Variants in POLRMT observed in about 807,000 individuals in gnomAD.
The protein encoded by POLRMT is DNA-directed RNA polymerase, mitochondrial.
POLRMT carries 114 observed loss-of-function variants against 132.2 expected under a neutral mutation model. The ratio of observed to expected loss-of-function variants is 0.86; its 90% confidence interval spans 0.74 to 1.01. POLRMT has a LOEUF of 1.01. Among genes scored for constraint, POLRMT ranks in the 50% least tolerant of loss-of-function variants. The probability of loss-of-function intolerance (pLI) is 0.00; values close to 1 mark genes in which losing one functional copy is unlikely to be tolerated. For synonymous variants in POLRMT, 1,020 were observed against 773.4 expected (o/e 1.32, Z -5.29); for missense variants, 2,003 against 1,729.1 (o/e 1.16, Z -2.81).
intron 17 of POLRMT, 52 bp from the exon 18 acceptor site, chr19:617,901 A>C (rs1568373400): frequency 1.3e-6 from 2 of 1,535,452 alleles, no homozygotes; most frequent in Non-Finnish European, 1.8e-6. Context: ...AGGGCCACCC[A>C]GTGACCAGCA....
At position 617,758 on chromosome 19, in the gene POLRMT, GCT is replaced by G. The variant is rs774782721; in HGVS notation, c.3495+17_3495+18del. On this transcript the variant is annotated intron_variant, in intron 18 of 20. Transcript: ENST00000588649. ...GGGCCCCACCCATGGGTGGACTGAG[GCT>G]CAGACTACGGGGGCACCTGGTTCAT... 17 of 1,612,828 alleles carry G rather than the reference GCT, an allele frequency of 1.1e-5. No individual in the cohort carries two copies. Among genetic ancestry groups the G allele is most frequent in the Non-Finnish European group, 1.4e-5 (17 of 1,179,576 alleles).
intron 17 of POLRMT, chr19:618,138 C>T: frequency 1.8e-6 from 1 of 565,596 alleles, no homozygotes; most frequent in Non-Finnish European, 3.2e-6. Context: ...CCTGCCAGGG[C>T]CACCACCCCG....
intron 3 of POLRMT, among the ~76,000 whole-genome samples, chr19:625,728 G>C (rs1367319587): frequency 6.6e-6 from 1 of 152,224 alleles, no homozygotes; most frequent in Non-Finnish European, 1.5e-5. Flanking sequence ...CCAAGATGGA[G>C]TCTTGCTCTG....
In POLRMT at chr19:619,213, G is replaced by A. The variant is rs770968046; in HGVS notation, c.3150C>T (p.Ile1050=). 1 of 1,611,424 alleles carries A rather than the reference G, an allele frequency of 6.2e-7. No homozygotes were observed. Among genetic ancestry groups the A allele is most frequent in the East Asian group, 2.2e-5 (1 of 44,832 alleles). The change falls in exon 14 of 21, where the codon ATC becomes ATT. Residue 1050 remains isoleucine (I), a synonymous_variant. Coordinates refer to ENST00000588649, the MANE Select transcript of POLRMT (RefSeq NM_005035.4). ...LQEMFSGTRA[I]QHWLTESARL... ...GCGGGGACAGGACAGGACGTACCTG[G>A]ATGGCCCGGGTCCCCGAGAACATCT...
intron 16 of POLRMT, 40 bp from the exon 17 acceptor site, chr19:618,626 C>T: frequency 5.6e-6 from 9 of 1,598,292 alleles, no homozygotes; most frequent in Non-Finnish European, 7.7e-6. Flanking sequence ...GGCCCAGGGA[C>T]ACCCCTAACT....
chr19:620,180 C>A, intron 11 of POLRMT, 100 bp from the exon 12 acceptor site: 4 of 1,489,306 alleles, frequency 2.7e-6, no homozygotes, highest in Non-Finnish European at 3.6e-6. Flanking sequence ...GGGCCGTGCA[C>A]CCCCCAGCCA....
At chr19:618,836 G>C in intron 15 of POLRMT, 76 bp from the exon 16 acceptor site, 3 of 1,491,108 alleles carry the variant, frequency 2.0e-6, no homozygotes, top group Non-Finnish European at 2.7e-6. Flanking sequence ...GTGGTACACT[G>C]GGGTAGTGGC....
chr19:619,900 C>T, intron 12 of POLRMT, 58 bp downstream of exon 12: 1 of 1,595,692 alleles, frequency 6.3e-7, no homozygotes. Flanking sequence ...GGGGCCGAGA[C>T]TCAGGGCTCA....
rs1984092752 is a variant in POLRMT at position 617,610 on chromosome 19, G to A, written c.3541C>T (p.Gln1181Ter). The change falls in exon 19 of 21, where the codon CAG becomes TAG. Residue 1181 changes from glutamine to a stop codon, truncating the protein, a stop_gained. Coordinates refer to ENST00000588649, the MANE Select transcript of POLRMT (RefSeq NM_005035.4). LOFTEE classifies it high-confidence loss of function. ...FVRLHSEPIL[Q>*]DLSRFLVKRF... ...TTGACCAGGAATCTGGACAGGTCCT[G>A]CAGGATGGGCTCGCTGTGCAAGCGG... 1 of 1,612,414 alleles carries A rather than the reference G, an allele frequency of 6.2e-7. No homozygotes were observed. Among genetic ancestry groups the A allele is most frequent in the Non-Finnish European group, 8.5e-7 (1 of 1,179,986 alleles).
At chr19:617,348 C>A (rs775181320) in intron 20 of POLRMT, 25 bp from the exon 21 acceptor site, 57 of 1,612,636 alleles carry the variant, frequency 3.5e-5, no homozygotes, top group Non-Finnish European at 4.7e-5. Flanking sequence ...GAGCGGACGG[C>A]GTGGGTGGCG....
intron 10 of POLRMT, 152 bp downstream of exon 10, chr19:620,906 G>A (rs1378769727): frequency 8.0e-6 from 1 of 124,626 alleles, no homozygotes; most frequent in Non-Finnish European, 1.3e-5. Context: ...GAGGGGGAGG[G>A]GAGGAGGAAG....
At chr19:617,986 T>G in intron 17 of POLRMT, 137 bp from the exon 18 acceptor site, 1 of 575,326 alleles carries the variant, frequency 1.7e-6, no homozygotes, top group Admixed American at 3.0e-5. Flanking sequence ...GCCCCACCCC[T>G]CGCCCCGCCC....
chr19:632,787 A>T, intron 2 of POLRMT, 47 bp downstream of exon 2: 1 of 1,442,768 alleles, frequency 6.9e-7, no homozygotes, highest in African/African-American at 1.4e-5. Context: ...TCCCGGCAGC[A>T]GGGAGCGGAC....
intron 10 of POLRMT, among the ~76,000 whole-genome samples, chr19:620,707 G>A (rs950872051): frequency 1.4e-5 from 2 of 146,056 alleles, no homozygotes; most frequent in African/African-American, 5.1e-5. Flanking sequence ...AAACAAGCGT[G>A]TCCGGAGCTG....
At position 630,092 on chromosome 19, in the gene POLRMT, C is replaced by T; in HGVS notation, c.270G>A (p.Arg90=). 6.2e-7 allele frequency: 1 copy of T among 1,613,752 alleles called. No individual in the cohort carries two copies. The highest frequency in any genetic ancestry group is 1.1e-5 in the South Asian group (1 of 91,076). The change falls in exon 3 of 21, where the codon CGG becomes CGA. Residue 90 remains arginine (R), a synonymous_variant. Transcript: ENST00000588649. ...EVVVNRVDVA[R]LPECGSGDGS... is the part of the protein sequence containing the mutation. ...CATCTCCACTGCCACATTCTGGGAGCCGCGCCACATCCACCCTGTTCACCA... is the reference window on the plus strand; with the variant it reads ...CATCTCCACTGCCACATTCTGGGAGTCGCGCCACATCCACCCTGTTCACCA...
rs781101610 is a variant in POLRMT, at chr19:621,538, G to A, written c.2160C>T (p.Leu720=). 4 of 1,405,604 alleles carry A rather than the reference G, an allele frequency of 2.8e-6. No individual in the cohort carries two copies. The highest frequency in any genetic ancestry group is 1.5e-5 in the South Asian group (1 of 65,660). 87.1% of individuals were successfully genotyped at this position (1,405,604 alleles called of 1,614,324 possible). A position where few individuals can be genotyped will look rare whatever the true frequency, so the allele number is the denominator to read the frequency against. ...GCTGGGGGCAGCCCTTGGCCTGGAA[G>A]AGCTGCAGCACCAGGTCCAGCACGC... ...NGRVLDLVLQ[L]FQAKGCPQLG... The change falls in exon 10 of 21, where the codon CTC becomes CTT. Residue 720 remains leucine (L), a synonymous_variant. Coordinates refer to ENST00000588649, the MANE Select transcript of POLRMT (RefSeq NM_005035.4).
At chr19:626,492 T>C (rs1436339746) in intron 3 of POLRMT, among the ~76,000 whole-genome samples, 13 of 149,876 alleles carry the variant, frequency 8.7e-5, no homozygotes, top group African/African-American at 2.2e-4. Flanking sequence ...TTTTTTTTTT[T>C]CATTTAATTT....
chr19:632,966 G>T (rs552593826), intron 1 of POLRMT, 28 bp from the exon 2 acceptor site: 47 of 1,459,406 alleles, frequency 3.2e-5, no homozygotes, highest in Non-Finnish European at 4.1e-5. Context: ...GCGGCTGAGC[G>T]GGGCCGGGCG....
chr19:620,592 C>A (rs1984449545), intron 10 of POLRMT, 105 bp from the exon 11 acceptor site: 3 of 1,355,310 alleles, frequency 2.2e-6, no homozygotes, highest in East Asian at 2.6e-5. Context: ...GACGCACACC[C>A]GTGATAGTGA....
Sources: allele counts gnomAD v4.1 joint callset (sites outside exome capture counted in the v4.1 genomes callset), GRCh38; gene constraint gnomAD v4.1.1; transcripts MANE v1.5; gene names NCBI Gene and HGNC (gene_info 2026-07-23, HGNC 2026-07-21).